COMMD1: variants seen among roughly 807,000 people sequenced by gnomAD.
COMMD1 encodes copper metabolism domain containing 1, also known as COMM domain-containing protein 1.
Under a neutral mutation model 17.2 loss-of-function variants are expected in COMMD1, and 10 were observed. That is an observed-to-expected ratio of 0.58 (90% CI 0.36 to 0.99). COMMD1 has a LOEUF of 0.99. COMMD1 is among the 50% of genes least tolerant of loss of function. The pLI is 0.01. For missense variants in COMMD1, 270 were observed against 231.8 expected, an observed-to-expected ratio of 1.17 and a Z score of -1.07; for synonymous variants, 97 against 91.6, an observed-to-expected ratio of 1.06 and a Z score of -0.34.
At chr2:61,888,855 G>C (rs967914079) in intron 1 of COMMD1, 16 of 302,036 alleles carry the variant, frequency 5.3e-5, no homozygotes, top group African/African-American at 3.6e-4. Flanking sequence ...GAGGACATCC[G>C]CATTTCCTCA....
intron 1 of COMMD1, among the ~76,000 whole-genome samples, chr2:61,900,609 A>T (rs988400112): frequency 6.6e-5 from 10 of 152,212 alleles, no homozygotes; most frequent in African/African-American, 2.4e-4. Context: ...AAGTAGAAGG[A>T]TGAATGTCTG....
chr2:62,052,274 A>C (rs1670558510), intron 2 of COMMD1, among the ~76,000 whole-genome samples: 1 of 152,204 alleles, frequency 6.6e-6, no homozygotes, highest in Admixed American at 6.5e-5. Flanking sequence ...AACATGGTGA[A>C]ACCCTGTTTC....
At chr2:61,979,523 A>T (rs2103748022) in intron 1 of COMMD1, among the ~76,000 whole-genome samples, 1 of 152,168 alleles carries the variant, frequency 6.6e-6, no homozygotes, top group South Asian at 2.1e-4. Context: ...CAGCAATCCC[A>T]CTGCTAGGTA....
intron 1 of COMMD1, among the ~76,000 whole-genome samples, chr2:61,900,550 T>A (rs1341271435): frequency 6.6e-6 from 1 of 152,248 alleles, no homozygotes; most frequent in African/African-American, 2.4e-5. Flanking sequence ...TTATGATCCC[T>A]ATTTTAACAT....
At chr2:62,063,509 G>C (rs1405181966) in intron 2 of COMMD1, among the ~76,000 whole-genome samples, 1 of 152,118 alleles carries the variant, frequency 6.6e-6, no homozygotes, top group Non-Finnish European at 1.5e-5. Flanking sequence ...TTAAATGAGT[G>C]AATGAGTGAA....
At chr2:62,116,303 A>C (rs1558606016) in intron 2 of COMMD1, among the ~76,000 whole-genome samples, 1 of 152,222 alleles carries the variant, frequency 6.6e-6, no homozygotes, top group Non-Finnish European at 1.5e-5. Flanking sequence ...CATTGGTAAA[A>C]AAGTTGCCAA....
intron 1 of COMMD1, among the ~76,000 whole-genome samples, chr2:61,955,592 G>A (rs1393384301): frequency 6.6e-6 from 1 of 151,832 alleles, no homozygotes; most frequent in Non-Finnish European, 1.5e-5. Flanking sequence ...TTTTCTATAA[G>A]CTTTACAATT....
At chr2:62,016,398 C>CG (rs1324070900) in intron 2 of COMMD1, among the ~76,000 whole-genome samples, 2 of 150,294 alleles carry the variant, frequency 1.3e-5, no homozygotes, top group Non-Finnish European at 3.0e-5. Context: ...TTTGTAGAGA[C>CG]GGGGTTTTGC....
chr2:61,934,697 A>G (rs1226615058), intron 1 of COMMD1, among the ~76,000 whole-genome samples: 1 of 152,246 alleles, frequency 6.6e-6, no homozygotes, highest in Non-Finnish European at 1.5e-5. Context: ...GCAAACAAAA[A>G]GGAAAAGGGG....
chr2:62,080,785 AT>A (rs55825411), intron 2 of COMMD1, among the ~76,000 whole-genome samples: 139,793 of 143,702 alleles, frequency 0.97, 68,023 homozygotes, highest in South Asian at 1. Flanking sequence ...GATAGTTGGA[AT>A]TTTTTTTTTT....
At chr2:61,925,095 C>G (rs890276883) in intron 1 of COMMD1, among the ~76,000 whole-genome samples, 3 of 151,858 alleles carry the variant, frequency 2.0e-5, no homozygotes, top group Non-Finnish European at 4.4e-5. Flanking sequence ...TGGATGAAGT[C>G]GCCAGCAATG....
chr2:62,134,499 T>C (rs985103541), intron 2 of COMMD1, among the ~76,000 whole-genome samples: 1 of 151,980 alleles, frequency 6.6e-6, no homozygotes, highest in African/African-American at 2.4e-5. Context: ...CTCAAGATAA[T>C]GCAGATGTAG....
At chr2:62,050,081 A>T (rs1328934646) in intron 2 of COMMD1, among the ~76,000 whole-genome samples, 1 of 152,178 alleles carries the variant, frequency 6.6e-6, no homozygotes, top group Non-Finnish European at 1.5e-5. Context: ...TAACATGCAG[A>T]TGAAACACCT....
chr2:62,050,044 ATC>A (rs1670495319), intron 2 of COMMD1, among the ~76,000 whole-genome samples: 1 of 152,182 alleles, frequency 6.6e-6, no homozygotes, highest in Admixed American at 6.5e-5. Context: ...TTCTGGATGA[ATC>A]TCTATAACAG....
At chr2:62,135,385 C>T (rs1227469068) in intron 2 of COMMD1, among the ~76,000 whole-genome samples, 1 of 150,800 alleles carries the variant, frequency 6.6e-6, no homozygotes, top group Non-Finnish European at 1.5e-5. Flanking sequence ...GACTCTCACT[C>T]TCTCCCCCAG....
At chr2:62,030,019 CCATGTAGAAA>C (rs1192689075) in intron 2 of COMMD1, among the ~76,000 whole-genome samples, 1 of 152,326 alleles carries the variant, frequency 6.6e-6, no homozygotes, top group Admixed American at 6.5e-5. Context: ...GTATGGACAG[CCATGTAGAAA>C]CATGATTGGA....
At chr2:62,093,446 G>A (rs1337272805) in intron 2 of COMMD1, among the ~76,000 whole-genome samples, 1 of 152,166 alleles carries the variant, frequency 6.6e-6, no homozygotes, top group Non-Finnish European at 1.5e-5. Context: ...TGAAGGAAAG[G>A]CAATTGTGCA....
intron 1 of COMMD1, among the ~76,000 whole-genome samples, chr2:61,977,024 A>G (rs1341042300): frequency 6.6e-6 from 1 of 151,524 alleles, no homozygotes; most frequent in Non-Finnish European, 1.5e-5. Flanking sequence ...GGGTTTCACC[A>G]TGTTGGCCAG....
intron 1 of COMMD1, among the ~76,000 whole-genome samples, chr2:61,976,313 A>C (rs1671800419): frequency 6.6e-6 from 1 of 152,152 alleles, no homozygotes; most frequent in Non-Finnish European, 1.5e-5. Flanking sequence ...CATAAATATA[A>C]AAAAGATAAA....
Sources: gnomAD v4.1 joint callset for allele counts (sites outside exome capture counted in the v4.1 genomes callset) on GRCh38, gnomAD v4.1.1 for gene constraint, MANE v1.5 for transcripts, NCBI Gene and HGNC (gene_info 2026-07-23, HGNC 2026-07-21) for gene names.